Variants in PLCB1 observed in about 807,000 individuals in gnomAD.
PLCB1 encodes 1-phosphatidylinositol 4,5-bisphosphate phosphodiesterase beta-1.
Under a neutral mutation model 161.8 loss-of-function variants are expected in PLCB1, and 46 were observed. That is an observed-to-expected ratio of 0.28 (90% CI 0.22 to 0.36). The LOEUF is 0.36. Among genes scored for constraint, PLCB1 ranks in the 10% least tolerant of loss-of-function variants. The pLI is 1.00. For synonymous variants in PLCB1, 517 were observed against 503.7 expected (o/e 1.03, Z -0.35); for missense variants, 1,016 against 1,472.5 (o/e 0.69, Z 5.07).
intron 31 of PLCB1, among the ~76,000 whole-genome samples, chr20:8,806,351 T>C: frequency 6.6e-6 from 1 of 152,088 alleles, no homozygotes; most frequent in African/African-American, 2.4e-5. Context: ...TAAGATAATT[T>C]TGAGTCAACC....
At chr20:8,276,157 T>C (rs1982534158) in intron 2 of PLCB1, among the ~76,000 whole-genome samples, 1 of 152,238 alleles carries the variant, frequency 6.6e-6, no homozygotes. Context: ...AAAAATGTTC[T>C]TAAAATTTGA....
intron 3 of PLCB1, among the ~76,000 whole-genome samples, chr20:8,532,256 G>T (rs1984843988): frequency 2.0e-5 from 3 of 152,182 alleles, no homozygotes; most frequent in Non-Finnish European, 4.4e-5. Flanking sequence ...AGCAGTATCA[G>T]ATCCTTCAGC....
At chr20:8,502,777 T>C (rs1378336244) in intron 3 of PLCB1, among the ~76,000 whole-genome samples, 1 of 152,162 alleles carries the variant, frequency 6.6e-6, no homozygotes, top group African/African-American at 2.4e-5. Context: ...AAAACCCCAA[T>C]TACAGATAAT....
At chr20:8,453,282 GC>G (rs1287368393) in intron 3 of PLCB1, among the ~76,000 whole-genome samples, 2 of 152,172 alleles carry the variant, frequency 1.3e-5, no homozygotes, top group African/African-American at 2.4e-5. Context: ...ATCTCCTGCA[GC>G]CACCTCACAG....
chr20:8,692,052 A>T (rs1217463942), intron 10 of PLCB1, among the ~76,000 whole-genome samples: 1 of 152,188 alleles, frequency 6.6e-6, no homozygotes, highest in East Asian at 1.9e-4. Context: ...CTTCAGAAAC[A>T]CTGGAAAGGC....
At chr20:8,571,831 G>T (rs982015129) in intron 3 of PLCB1, among the ~76,000 whole-genome samples, 1 of 152,110 alleles carries the variant, frequency 6.6e-6, no homozygotes, top group Non-Finnish European at 1.5e-5. Context: ...TAAAGCTCGG[G>T]GTGTCTGTTA....
At chr20:8,737,003 A>G (rs554251480) in intron 19 of PLCB1, 25 bp from the exon 20 acceptor site, 29 of 1,575,406 alleles carry the variant, frequency 1.8e-5, no homozygotes, top group South Asian at 3.3e-5. Flanking sequence ...TTCCTTATGG[A>G]TTGATTGATT....
intron 24 of PLCB1, 134 bp from the exon 25 acceptor site, chr20:8,760,273 A>G: frequency 3.4e-6 from 2 of 585,190 alleles, no homozygotes; most frequent in Non-Finnish European, 6.1e-6. Context: ...ATTTTTATAA[A>G]GAATTTTCTC....
intron 31 of PLCB1, among the ~76,000 whole-genome samples, chr20:8,875,701 ATTC>A (rs1987757637): frequency 6.6e-6 from 1 of 151,436 alleles, no homozygotes; most frequent in South Asian, 2.1e-4. Context: ...AGTTTTCTCA[ATTC>A]TTCTTTGTTA....
At chr20:8,539,644 CTTTCTTTCT>C (rs779638213) in intron 3 of PLCB1, among the ~76,000 whole-genome samples, 8 of 96,142 alleles carry the variant, frequency 8.3e-5, no homozygotes, top group African/African-American at 2.6e-4. Context: ...TTCTTTCTTT[CTTTCTTTCT>C]TTCTTTCTTT....
At chr20:8,709,695 T>G (rs1600266989) in intron 12 of PLCB1, among the ~76,000 whole-genome samples, 1 of 152,252 alleles carries the variant, frequency 6.6e-6, no homozygotes, top group South Asian at 2.1e-4. Context: ...GAAGAATTTC[T>G]AAGTAGTTAA....
At chr20:8,355,849 C>CA (rs1986347917) in intron 2 of PLCB1, among the ~76,000 whole-genome samples, 1 of 151,990 alleles carries the variant, frequency 6.6e-6, no homozygotes, top group Non-Finnish European at 1.5e-5. Context: ...ATAATTGCAA[C>CA]AAAAAGTATT....
At chr20:8,592,476 T>A (rs1187789894) in intron 3 of PLCB1, among the ~76,000 whole-genome samples, 1 of 152,226 alleles carries the variant, frequency 6.6e-6, no homozygotes, top group Non-Finnish European at 1.5e-5. Flanking sequence ...AACCTATTGT[T>A]GGCATTTCTG....
chr20:8,838,353 C>A (rs1986370317), intron 31 of PLCB1, among the ~76,000 whole-genome samples: 1 of 152,170 alleles, frequency 6.6e-6, no homozygotes. Context: ...TGGCTCTGAA[C>A]TGACACTTAT....
chr20:8,394,943 C>T (rs992247675), intron 3 of PLCB1, among the ~76,000 whole-genome samples: 1 of 152,018 alleles, frequency 6.6e-6, no homozygotes, highest in South Asian at 2.1e-4. Flanking sequence ...TAAATTAAAT[C>T]GTTTCTTCCT....
At chr20:8,490,200 A>T (rs1248648135) in intron 3 of PLCB1, among the ~76,000 whole-genome samples, 1 of 152,210 alleles carries the variant, frequency 6.6e-6, no homozygotes, top group Non-Finnish European at 1.5e-5. Flanking sequence ...TGCTTTGAAC[A>T]ATGAAATACA....
chr20:8,140,615 A>G (rs1322990692), intron 1 of PLCB1, among the ~76,000 whole-genome samples: 9 of 152,110 alleles, frequency 5.9e-5, no homozygotes, highest in Non-Finnish European at 1.3e-4. Context: ...TGTCTTTTGC[A>G]TTTCACGTAG....
chr20:8,708,729 T>C lies in PLCB1; in HGVS notation c.1227T>C (p.Leu409=). 1 of 1,612,456 alleles carries C rather than the reference T, an allele frequency of 6.2e-7. No individual in the cohort carries two copies. The highest frequency in any genetic ancestry group is 8.5e-7 in the Non-Finnish European group (1 of 1,178,572). Residue 409 remains leucine, a synonymous_variant, in exon 12 of 32, where the codon CTT becomes CTC. Coordinates refer to ENST00000338037, the MANE Select transcript of PLCB1 (RefSeq NM_015192.4). ...AGACTTCACCTTTTCCAATTCTCCT[T>C]TCGTTTGAGAACCATGTGGATTCGT... is the stretch of plus-strand genomic sequence containing the variant. ...AFKTSPFPIL[L]SFENHVDSPK... is the part of the protein sequence containing the mutation.
chr20:8,190,089 T>C (rs2051951147), intron 2 of PLCB1, among the ~76,000 whole-genome samples: 1 of 152,100 alleles, frequency 6.6e-6, no homozygotes, highest in African/African-American at 2.4e-5. Flanking sequence ...GAAATATAGC[T>C]TCCATACCAA....
Sources: gnomAD v4.1 joint callset for allele counts (sites outside exome capture counted in the v4.1 genomes callset) on GRCh38, gnomAD v4.1.1 for gene constraint, MANE v1.5 for transcripts, NCBI Gene and HGNC (gene_info 2026-07-23, HGNC 2026-07-21) for gene names.